The following RTTN variants were observed in gnomAD, a reference collection of about 807,000 sequenced individuals.
RTTN encodes rotatin.
RTTN carries 182 observed loss-of-function variants against 269.2 expected under a neutral mutation model. The ratio of observed to expected loss-of-function variants is 0.68; its 90% CI spans 0.60 to 0.76. The LOEUF is 0.76. RTTN is among the 30% of genes least tolerant of loss of function. The pLI, the probability that RTTN is intolerant of heterozygous loss-of-function variation, is 0.00. For synonymous variants in RTTN, 1,006 were observed against 963.5 expected (o/e 1.04, Z -0.82); for missense variants, 2,545 against 2,608.6 (o/e 0.98, Z 0.53).
At chr18:70,123,511 C>G (rs2145579074) in intron 25 of RTTN, among the ~76,000 whole-genome samples, 1 of 152,188 alleles carries the variant, frequency 6.6e-6, no homozygotes, top group South Asian at 2.1e-4. Flanking sequence ...TGCCACTTGC[C>G]TCTGGTAACA....
At chr18:70,101,838 A>T (rs2059176059) in intron 28 of RTTN, among the ~76,000 whole-genome samples, 1 of 152,182 alleles carries the variant, frequency 6.6e-6, no homozygotes, top group Admixed American at 6.5e-5. Context: ...TTACGTACCC[A>T]GTAGTCATTC....
rs535572121 is a variant in RTTN at position 70,123,990 on chromosome 18, G to C, written c.3384-2290C>G. Among the ~76,000 whole-genome samples the C allele has an allele frequency of 8.6e-5, 13 of 151,954 alleles. No individual in the cohort carries two copies. The South Asian group carries it at 2.5e-3, about 29-fold the overall frequency. On this transcript the variant is annotated intron_variant, in intron 25 of 48. Coordinates refer to ENST00000640769, the MANE Select transcript of RTTN (RefSeq NM_173630.4). The stretch of plus-strand genomic sequence containing the variant: ...TATAAGGTATCATGTCCAGATCTCA[G>C]GGAGAGTCCTAAGAAACACAATACC...
At chr18:70,114,687 G>A in intron 26 of RTTN, 88 bp from the exon 27 acceptor site, 2 of 1,193,598 alleles carry the variant, frequency 1.7e-6, no homozygotes, top group Non-Finnish European at 2.3e-6. Context: ...GCAAGTTCTA[G>A]TAAGAGCTAT....
At chr18:70,183,842 C>A (rs1199894880) in intron 10 of RTTN, among the ~76,000 whole-genome samples, 1 of 152,168 alleles carries the variant, frequency 6.6e-6, no homozygotes, top group Non-Finnish European at 1.5e-5. Context: ...ACATAACCAC[C>A]TGTCAGCCTC....
intron 15 of RTTN, 92 bp from the exon 16 acceptor site, chr18:70,150,179 G>C: frequency 4.2e-6 from 3 of 719,056 alleles, no homozygotes; most frequent in Non-Finnish European, 7.3e-6. Flanking sequence ...CATGTGGAAA[G>C]ATGCTATAAT....
intron 41 of RTTN, 61 bp from the exon 42 acceptor site, chr18:70,030,170 C>T (rs889362123): frequency 9.4e-7 from 1 of 1,063,808 alleles, no homozygotes; most frequent in East Asian, 2.4e-5. Context: ...GTTATAACCA[C>T]ATATACCAAT....
intron 35 of RTTN, among the ~76,000 whole-genome samples, chr18:70,060,591 A>G (rs2057954634): frequency 2.0e-5 from 3 of 152,194 alleles, no homozygotes; most frequent in South Asian, 4.1e-4. Context: ...TCAAACATTT[A>G]CCATTTCTTT....
intron 32 of RTTN, among the ~76,000 whole-genome samples, chr18:70,085,209 A>C (rs1406072137): frequency 6.6e-6 from 1 of 152,192 alleles, no homozygotes; most frequent in East Asian, 1.9e-4. Flanking sequence ...TTAATCCTGC[A>C]TATTCCCTCC....
At chr18:70,062,256 TC>T (rs1405792481) in intron 35 of RTTN, among the ~76,000 whole-genome samples, 1 of 152,214 alleles carries the variant, frequency 6.6e-6, no homozygotes, top group Non-Finnish European at 1.5e-5. Flanking sequence ...TTTATTTTTT[TC>T]AGCAAGTAAA....
At chr18:70,205,567 A>T in intron 1 of RTTN, 61 bp downstream of exon 1, 1 of 1,606,614 alleles carries the variant, frequency 6.2e-7, no homozygotes, top group Non-Finnish European at 8.5e-7. Context: ...TGACACGACC[A>T]TTCTCAGCAA....
chr18:70,162,417 C>T (rs1011214123), intron 14 of RTTN, among the ~76,000 whole-genome samples: 2 of 152,110 alleles, frequency 1.3e-5, no homozygotes, highest in East Asian at 1.9e-4. Flanking sequence ...AGGACATACC[C>T]GAGACTGGGT....
intron 40 of RTTN, among the ~76,000 whole-genome samples, chr18:70,031,673 T>A (rs892766): frequency 0.9 from 135,231 of 150,968 alleles, 62,049 homozygotes; most frequent in East Asian, 1. Flanking sequence ...TTATTAAAAA[T>A]CAAAACTAGA....
chr18:70,141,139 T>C (rs1486975734), intron 19 of RTTN, among the ~76,000 whole-genome samples: 2 of 152,218 alleles, frequency 1.3e-5, no homozygotes, highest in Non-Finnish European at 1.5e-5. Flanking sequence ...TTCTTTTCTG[T>C]AGTCTGTGTG....
intron 23 of RTTN, chr18:70,131,462 T>C (rs1376475054): frequency 6.6e-6 from 1 of 151,462 alleles, no homozygotes; most frequent in Non-Finnish European, 1.5e-5. Context: ...GTAAAAATAC[T>C]AGTTCACAGT....
intron 28 of RTTN, among the ~76,000 whole-genome samples, chr18:70,104,741 C>T (rs942888988): frequency 6.6e-6 from 1 of 152,192 alleles, no homozygotes; most frequent in Non-Finnish European, 1.5e-5. Context: ...TGCAGGTCTG[C>T]TGGAGTTTGC....
chr18:70,153,765 C>A (rs1255264251), intron 14 of RTTN, among the ~76,000 whole-genome samples: 1 of 152,136 alleles, frequency 6.6e-6, no homozygotes, highest in East Asian at 1.9e-4. Flanking sequence ...AACCAAGATA[C>A]TATATCTTTA....
intron 23 of RTTN, chr18:70,131,335 T>C (rs1305323807): frequency 6.6e-6 from 1 of 150,684 alleles, no homozygotes; most frequent in African/African-American, 2.4e-5. Flanking sequence ...TATAATAACA[T>C]CTTATAGAAT....
rs554271246 is a variant in RTTN at position 70,097,214 on chromosome 18, AC to A, written c.3904-4411del. 3.3e-3 allele frequency among the ~76,000 whole-genome samples: 496 copies of A among 152,368 alleles called. 1 individual carries two copies. Among genetic ancestry groups the A allele is most frequent in the Non-Finnish European group, 4.8e-3 (328 of 68,034 alleles). On this transcript the variant is annotated intron_variant, in intron 28 of 48. Coordinates refer to ENST00000640769, the MANE Select transcript of RTTN (RefSeq NM_173630.4). ...AGTTAAAAAGTCTCATTTCACAGCT[AC>A]AAAAAGCAAATACTCATATTCAAAT...
At chr18:70,109,765 G>GCTTAATGGGCTAT (rs2059415256) in intron 27 of RTTN, 48 bp from the exon 28 acceptor site, 1 of 1,428,242 alleles carries the variant, frequency 7.0e-7, no homozygotes, top group Admixed American at 1.7e-5. Flanking sequence ...AGTATAATGG[G>GCTTAATGGGCTAT]CTTAATGGGC....
Sources: gnomAD v4.1 joint callset for allele counts (sites outside exome capture counted in the v4.1 genomes callset) on GRCh38, gnomAD v4.1.1 for gene constraint, MANE v1.5 for transcripts, NCBI Gene and HGNC (gene_info 2026-07-23, HGNC 2026-07-21) for gene names.